The following OGFOD2 variants were observed in gnomAD, a reference collection of about 807,000 sequenced individuals.
The protein encoded by OGFOD2 is 2-oxoglutarate and iron dependent oxygenase domain containing 2, also known as 2-oxoglutarate and iron-dependent oxygenase domain-containing protein 2.
OGFOD2 carries 34 observed loss-of-function variants against 31.1 expected under a neutral mutation model. The observed-to-expected ratio is 1.09, with a 90% CI of 0.83 to 1.45. The LOEUF is 1.45. OGFOD2 is among the 40% of genes most tolerant of loss of function. OGFOD2 has a pLI of 0.00. For synonymous variants in OGFOD2, 240 were observed against 192.3 expected (o/e 1.25, Z -2.05); for missense variants, 537 against 433.9 (o/e 1.24, Z -2.11).
intron 1 of OGFOD2, 135 bp from the exon 2 acceptor site, chr12:122,975,676 C>A: frequency 1.6e-6 from 1 of 643,462 alleles, no homozygotes; most frequent in South Asian, 1.7e-5. Flanking sequence ...TGACAGGGTT[C>A]CGCAGTTCAT....
At chr12:122,977,931 G>C (rs1343101748) in intron 4 of OGFOD2, 1 of 157,868 alleles carries the variant, frequency 6.3e-6, no homozygotes, top group African/African-American at 2.4e-5. Context: ...TGGTGCGTCC[G>C]CCAAGAAATG....
chr12:122,978,396 G>A (rs368415240), intron 4 of OGFOD2, 46 bp from the exon 5 acceptor site: 19 of 1,604,470 alleles, frequency 1.2e-5, no homozygotes, highest in African/African-American at 8.0e-5. Context: ...AGGCCTGGCC[G>A]GCCCACGGCC....
rs150925226 is a variant in OGFOD2 at position 122,978,253 on chromosome 12, C to T, written c.404-189C>T. 3.4e-4 allele frequency: 217 copies of T among 644,760 alleles called. 5 individuals are homozygous for T. Among genetic ancestry groups the T allele is most frequent in the South Asian group, 2.5e-3 (127 of 51,626 alleles). The allele number at this position is 644,760 out of a possible 1,614,324, so 39.9% of individuals were successfully genotyped here. A position where few individuals can be genotyped will look rare whatever the true frequency, so the allele number is the denominator to read the frequency against. ...ACTTGTAGAGTCTGGGGAAAGGTTC[C>T]GGGCATAAGTGGGGGGCATGGGAAT... On this transcript the variant is annotated intron_variant, in intron 4 of 6. Coordinates refer to ENST00000228922, the Ensembl canonical transcript of OGFOD2.
chr12:122,979,329 G>GT lies in OGFOD2; in HGVS notation c.1037dup (p.Cys347MetfsTer18), dbSNP rs2037546727. 1 of 1,608,960 alleles carries GT rather than the reference G, an allele frequency of 6.2e-7. No homozygotes were observed. The highest frequency in any genetic ancestry group is 1.3e-5 in the African/African-American group (1 of 74,866). The stretch of plus-strand genomic sequence containing the variant: ...CCGAGAGGAGCCCGCCACGGTGGAT[G>GT]TATGTGCGCTCACCTGAGCTTGCTT... On this transcript the variant is annotated frameshift_variant, in exon 7 of 7. Coordinates refer to ENST00000228922, the Ensembl canonical transcript of OGFOD2. LOFTEE classifies it high-confidence loss of function.
chr12:122,979,226 T>C (rs780922817), exon 7 of OGFOD2: 5 of 1,612,602 alleles, frequency 3.1e-6, no homozygotes, highest in African/African-American at 1.3e-5. Flanking sequence ...GAGCCTCTGC[T>C]GTGCGCAACA....
chr12:122,974,920 G>T (rs1047822110), upstream of OGFOD2: 3 of 218,386 alleles, frequency 1.4e-5, no homozygotes, highest in East Asian at 3.0e-4. Context: ...GCGGGGGGTG[G>T]GTCGGCGTTT....
exon 7 of OGFOD2, chr12:122,979,964 C>CCTTG (rs2037566563): frequency 2.7e-5 from 10 of 376,018 alleles, no homozygotes; most frequent in Non-Finnish European, 3.7e-5. Context: ...TTGGTGCCTT[C>CCTTG]GTTTCCTCAT....
chr12:122,978,592 C>T (rs1332763383), intron 5 of OGFOD2, 23 bp downstream of exon 5: 2 of 1,606,492 alleles, frequency 1.2e-6, no homozygotes, highest in Non-Finnish European at 1.7e-6. Flanking sequence ...TGGCCGGTGG[C>T]AGAGGAGGGG....
exon 6 of OGFOD2, chr12:122,978,998 G>A (rs768226462): frequency 1.2e-6 from 2 of 1,612,804 alleles, no homozygotes; most frequent in Non-Finnish European, 1.7e-6. Flanking sequence ...TGTATTTTGG[G>A]GGCCTCTTCC....
chr12:122,979,625 C>T lies in OGFOD2; in HGVS notation c.*279C>T, dbSNP rs2037555306. ...GGACGTCCAGCCTCAGCTGGCCCCA[C>T]GGAGAGCTCCAGGCAGAGCCCACAG... On this transcript the variant is annotated 3_prime_UTR_variant, in exon 7 of 7. Coordinates refer to ENST00000228922, the Ensembl canonical transcript of OGFOD2. The T allele has an allele frequency of 8.3e-6, 4 of 481,568 alleles. No individual in the cohort carries two copies. In the South Asian group the frequency reaches 8.7e-5, roughly 10 times the overall value. 29.8% of individuals were successfully genotyped at this position (481,568 alleles called of 1,614,324 possible).
exon 5 of OGFOD2, chr12:122,978,514 A>G (rs766548225): frequency 1.9e-6 from 3 of 1,613,510 alleles, no homozygotes; most frequent in South Asian, 2.2e-5. Flanking sequence ...GAGCTGGAGC[A>G]CTTCGAGCAA....
chr12:122,978,600 G>C (rs561416738), intron 5 of OGFOD2, 31 bp downstream of exon 5: 1 of 1,605,014 alleles, frequency 6.2e-7, no homozygotes, highest in East Asian at 2.2e-5. Flanking sequence ...GGCAGAGGAG[G>C]GGGTGGCTGG....
exon 4 of OGFOD2, chr12:122,976,884 C>G: frequency 6.2e-7 from 1 of 1,606,428 alleles, no homozygotes; most frequent in Non-Finnish European, 8.5e-7. Context: ...GCAGCTCTGG[C>G]CCCCGAGTTC....
exon 7 of OGFOD2, chr12:122,979,503 A>G (rs1411361136): frequency 1.0e-6 from 1 of 967,864 alleles, no homozygotes. Context: ...GCCTTAGTTC[A>G]GGTTTGTCAG....
rs772251216 is a variant in OGFOD2 at position 122,978,505 on chromosome 12, A to G, written c.467A>G (p.Glu156Gly). 22 of 1,613,368 alleles carry G rather than the reference A, an allele frequency of 1.4e-5. No individual in the cohort carries two copies. The African/African-American group carries it at 2.3e-4, about 17-fold the overall frequency. ...CCCTTCTGCCAGGCCCTGCTGGAAG[A>G]GCTGGAGCACTTCGAGCAATCGGAC... is the stretch of plus-strand genomic sequence containing the variant. Residue 156 changes from glutamate to glycine, a missense_variant, in exon 5 of 7, where the codon GAG (glutamate) becomes GGG (glycine). By Grantham distance (98) the Glu-to-Gly change is moderately conservative. Transcript: ENST00000228922.
chr12:122,975,880 T>C lies in OGFOD2; in HGVS notation c.189+13T>C. ...GCTGTTAGCAGAGGTACCAGTCCCC[T>C]GCCCCTGCACAGCTCCTCCTCGTTA... On this transcript the variant is annotated intron_variant, in intron 2 of 6. Coordinates refer to ENST00000228922, the Ensembl canonical transcript of OGFOD2. The C allele has an allele frequency of 1.4e-6, 1 of 702,470 alleles. No homozygotes were observed. Among genetic ancestry groups the C allele is most frequent in the Non-Finnish European group, 2.6e-6 (1 of 384,528 alleles). The allele number at this position is 702,470 out of a possible 1,614,324, so 43.5% of individuals were successfully genotyped here.
At chr12:122,979,829 TG>T (rs2037562115) in exon 7 of OGFOD2, 1 of 210,852 alleles carries the variant, frequency 4.7e-6, no homozygotes, top group African/African-American at 2.3e-5. Context: ...TGGACTCGGG[TG>T]GGCCACCAGT....
chr12:122,978,500 G>A, exon 5 of OGFOD2: 1 of 1,613,544 alleles, frequency 6.2e-7, no homozygotes, highest in Non-Finnish European at 8.5e-7. Flanking sequence ...AGGCCCTGCT[G>A]GAAGAGCTGG....
chr12:122,976,623 C>T (rs764987795), intron 2 of OGFOD2, 31 bp from the exon 3 acceptor site: 4 of 1,491,036 alleles, frequency 2.7e-6, no homozygotes, highest in Non-Finnish European at 3.7e-6. Context: ...GATGGGAGGC[C>T]CCACCTGGTA....
Sources: allele counts gnomAD v4.1 joint callset, GRCh38; gene constraint gnomAD v4.1.1; transcripts MANE v1.5; gene names NCBI Gene and HGNC (gene_info 2026-07-23, HGNC 2026-07-21).